POLR3B: variants seen among roughly 807,000 people sequenced by gnomAD.
POLR3B encodes RNA polymerase III subunit B.
In POLR3B, 96 loss-of-function variants were observed where a neutral mutation model predicts 147.4. The ratio of observed to expected loss-of-function variants is 0.65; its 90% CI spans 0.55 to 0.77. POLR3B has a LOEUF of 0.77. Among genes scored for constraint, POLR3B ranks in the 30% least tolerant of loss-of-function variants. POLR3B has a pLI of 0.00. For synonymous variants in POLR3B, 461 were observed against 485.9 expected (o/e 0.95, Z 0.67); for missense variants, 1,036 against 1,413.5 (o/e 0.73, Z 4.28).
At chr12:106,382,831 A>G (rs1316367521) in intron 9 of POLR3B, among the ~76,000 whole-genome samples, 1 of 152,192 alleles carries the variant, frequency 6.6e-6, no homozygotes, top group Admixed American at 6.5e-5. Context: ...AACTTTTTCT[A>G]GACCCTCACA....
chr12:106,366,627 G>A lies in POLR3B; in HGVS notation c.163-31G>A, dbSNP rs779843065. 5.6e-6 allele frequency: 9 copies of A among 1,606,946 alleles called. No individual in the cohort carries two copies. The African/African-American group carries it at 9.4e-5, about 17-fold the overall frequency. On this transcript the variant is annotated intron_variant, in intron 3 of 27. Transcript: ENST00000228347. The stretch of plus-strand genomic sequence containing the variant: ...AACTAAGGATTAATTGGAAGCCAGA[G>A]TCTTTGCTAATGTTGCATTTTCCAC...
Position 106,454,490 on chromosome 12 carries a change from A to G in POLR3B, c.2084-12A>G. The G allele has an allele frequency of 3.7e-6, 5 of 1,338,724 alleles. No individual in the cohort carries two copies. Among genetic ancestry groups the G allele is most frequent in the Non-Finnish European group, 5.4e-6 (5 of 929,022 alleles). 82.9% of individuals were successfully genotyped at this position (1,338,724 alleles called of 1,614,324 possible). A position where few individuals can be genotyped will look rare whatever the true frequency, so the allele number is the denominator to read the frequency against. On this transcript the variant is annotated splice_polypyrimidine_tract_variant and intron_variant, in intron 19 of 27. Coordinates refer to ENST00000228347, the MANE Select transcript of POLR3B (RefSeq NM_018082.6). The stretch of plus-strand genomic sequence containing the variant: ...AGAATGTTGTATTTTGTTTTCTCCC[A>G]TATCAATGCAGGTACTATAGGATAC...
rs115112349 is a variant in POLR3B at position 106,459,876 on chromosome 12, A to G, written c.2570+508A>G. 4.4e-3 allele frequency among the ~76,000 whole-genome samples: 670 copies of G among 152,340 alleles called. 5 individuals carry two copies. The highest frequency in any genetic ancestry group is 0.016 in the African/African-American group (645 of 41,582). The stretch of plus-strand genomic sequence containing the variant: ...TCAGTTTTTTCATTTGTATAATACA[A>G]TGAAAGAGTTAGACTTGTTAATCTC... On this transcript the variant is annotated intron_variant, in intron 22 of 27. Transcript: ENST00000228347.
intron 23 of POLR3B, among the ~76,000 whole-genome samples, chr12:106,465,662 T>C (rs2037994064): frequency 6.6e-6 from 1 of 152,202 alleles, no homozygotes. Flanking sequence ...CCTCCCTGTG[T>C]CCAAGTGTTC....
intron 23 of POLR3B, among the ~76,000 whole-genome samples, chr12:106,469,269 C>CTT (rs374922405): frequency 0.22 from 27,906 of 128,102 alleles, 3,216 homozygotes; most frequent in African/African-American, 0.29. Flanking sequence ...GCAACCCCTG[C>CTT]TTTTTTTTTT....
chr12:106,408,671 C>T (rs776486174), intron 11 of POLR3B, among the ~76,000 whole-genome samples: 49 of 152,270 alleles, frequency 3.2e-4, no homozygotes, highest in Admixed American at 7.8e-4. Flanking sequence ...ATTCTGGGTT[C>T]GTTTGTTAGT....
chr12:106,391,177 C>G (rs2036908158), intron 9 of POLR3B, among the ~76,000 whole-genome samples: 1 of 152,204 alleles, frequency 6.6e-6, no homozygotes, highest in Admixed American at 6.5e-5. Context: ...ACTGCAGGTG[C>G]TCATTGGCTG....
chr12:106,435,988 C>A (rs977071958), intron 16 of POLR3B, among the ~76,000 whole-genome samples: 1 of 152,142 alleles, frequency 6.6e-6, no homozygotes, highest in Admixed American at 6.6e-5. Flanking sequence ...GTCTTCTCAT[C>A]TGAGGCTTAA....
Position 106,504,617 on chromosome 12 carries a change from G to A in POLR3B, c.3272+363G>A, listed in dbSNP as rs893308273. On this transcript the variant is annotated intron_variant, in intron 27 of 27. Transcript: ENST00000228347. This position sits in a 1 kb window ranked among gnomAD's most constrained non-coding sequence, Gnocchi z 4.6. ...GAAACTCTTTAGGGAAGATTACATC[G>A]AATGCTTTCATTTGTAACTTCAGAC... Among the ~76,000 whole-genome samples, 4 of 152,124 alleles carry A rather than the reference G, an allele frequency of 2.6e-5. No homozygotes were observed. The highest frequency in any genetic ancestry group is 5.9e-5 in the Non-Finnish European group (4 of 68,024).
intron 24 of POLR3B, 142 bp from the exon 25 acceptor site, chr12:106,496,610 C>T (rs1448006098): frequency 1.7e-5 from 13 of 744,568 alleles, no homozygotes; most frequent in Non-Finnish European, 2.3e-5. Context: ...AATTAGATCA[C>T]ACATGTCAAG....
intron 23 of POLR3B, among the ~76,000 whole-genome samples, chr12:106,469,394 T>C (rs1453420625): frequency 6.6e-6 from 1 of 151,986 alleles, no homozygotes; most frequent in Non-Finnish European, 1.5e-5. Context: ...GGGTCTTGAC[T>C]CTTTATCCAA....
intron 25 of POLR3B, among the ~76,000 whole-genome samples, chr12:106,499,711 G>C (rs2038563980): frequency 6.6e-6 from 1 of 152,162 alleles, no homozygotes; most frequent in Non-Finnish European, 1.5e-5. Flanking sequence ...CTCAGCTAGA[G>C]AGGTCATGTA....
chr12:106,375,531 A>T (rs1037410612), intron 6 of POLR3B, among the ~76,000 whole-genome samples: 1 of 152,130 alleles, frequency 6.6e-6, no homozygotes, highest in African/African-American at 2.4e-5. Flanking sequence ...CGTCTTTCTG[A>T]AATTCATTCT....
At chr12:106,499,825 C>T (rs1306073034) in intron 25 of POLR3B, among the ~76,000 whole-genome samples, 1 of 152,206 alleles carries the variant, frequency 6.6e-6, no homozygotes, top group Non-Finnish European at 1.5e-5. Flanking sequence ...CCAGGTTGTG[C>T]TGAAGTCAGC....
rs749670593 is a variant in POLR3B at position 106,501,373 on chromosome 12, T to C, written c.3035T>C (p.Leu1012Pro). ...IYFGPVYYQKLKHMVLDKMHA... is the reference protein window; with the variant it reads ...IYFGPVYYQKPKHMVLDKMHA... ...TTTGGCCCCGTGTACTATCAGAAGCTGAAACACATGGTGCTAGATAAAATG... is the reference window on the plus strand; with the variant it reads ...TTTGGCCCCGTGTACTATCAGAAGCCGAAACACATGGTGCTAGATAAAATG... Residue 1012 changes from leucine (L) to proline (P), a missense_variant, in exon 26 of 28, where the codon CTG becomes CCG. Leu to Pro is a moderately conservative substitution (Grantham distance 98). This residue lies in a region of POLR3B where 18 missense variants were observed against 73.4 expected (regional missense o/e 0.25). Coordinates refer to ENST00000228347, the MANE Select transcript of POLR3B (RefSeq NM_018082.6). The C allele has an allele frequency of 2.5e-6, 4 of 1,613,964 alleles. No homozygotes were observed. The highest frequency in any genetic ancestry group is 3.4e-6 in the Non-Finnish European group (4 of 1,179,852).
At position 106,368,227 on chromosome 12, in the gene POLR3B, C is replaced by T. The variant is rs76258288; in HGVS notation, c.228-1048C>T. On this transcript the variant is annotated intron_variant, in intron 4 of 27. Coordinates refer to ENST00000228347, the MANE Select transcript of POLR3B (RefSeq NM_018082.6). ...AGATATGGTTCATCTGGTATGCCCC[C>T]ATCCCAGATTGGGAATCCAAGGAGC... 6.9e-3 allele frequency among the ~76,000 whole-genome samples: 1,039 copies of T among 151,556 alleles called. 19 individuals carry two copies. The highest frequency in any genetic ancestry group is 0.024 in the African/African-American group (997 of 41,194).
chr12:106,438,320 G>T (rs948283554), intron 18 of POLR3B, among the ~76,000 whole-genome samples: 5 of 151,902 alleles, frequency 3.3e-5, no homozygotes, highest in African/African-American at 1.2e-4. Context: ...AGAGCATAAC[G>T]CATCATTTAT....
rs1288799280 is a variant in POLR3B at position 106,403,225 on chromosome 12, G to A, written c.847-2632G>A. On this transcript the variant is annotated intron_variant, in intron 10 of 27. Coordinates refer to ENST00000228347, the MANE Select transcript of POLR3B (RefSeq NM_018082.6). The stretch of plus-strand genomic sequence containing the variant: ...CATGAAAAAATGCTCATCATCACTG[G>A]CCATCAGAGAAATGCAAATCAAAAC... Among the ~76,000 whole-genome samples, 632 of 151,788 alleles carry A rather than the reference G, an allele frequency of 4.2e-3. 1 individual carries two copies. The highest frequency in any genetic ancestry group is 0.015 in the African/African-American group (607 of 41,338).
At chr12:106,494,410 G>A (rs1409217560) in intron 23 of POLR3B, among the ~76,000 whole-genome samples, 2 of 152,074 alleles carry the variant, frequency 1.3e-5, no homozygotes, top group African/African-American at 4.8e-5. Flanking sequence ...ATTTCTCTTT[G>A]GTTTTGTTTT....
Sources: gnomAD v4.1 joint callset for allele counts (sites outside exome capture counted in the v4.1 genomes callset) on GRCh38, gnomAD v4.1.1 for gene constraint, gnomAD v4.1.1 regional missense constraint, Gnocchi (gnomAD v3.1) non-coding constraint, MANE v1.5 for transcripts, NCBI Gene and HGNC (gene_info 2026-07-23, HGNC 2026-07-21) for gene names.